Variants in ATP11C observed in about 807,000 individuals in gnomAD.
ATP11C encodes the protein phospholipid-transporting ATPase IG.
ATP11C carries 36 observed loss-of-function variants against 97.4 expected under a neutral mutation model. That is an observed-to-expected ratio of 0.37 (90% confidence interval 0.28 to 0.49). The LOEUF is 0.49. Ranked by LOEUF, ATP11C falls within the 20% of genes least tolerant of loss-of-function variation. The pLI, the probability that ATP11C is intolerant of heterozygous loss-of-function variation, is 0.98. For missense variants in ATP11C, 730 were observed against 824.6 expected (o/e 0.89, Z 1.40); for synonymous variants, 275 against 290.9 (o/e 0.95, Z 0.56).
rs2085449488 is a variant in ATP11C, at chrX:139,932,194, C to T, written c.-152G>A. 1 of 308,251 alleles carries T rather than the reference C, an allele frequency of 3.2e-6. No homozygotes were observed. Among genetic ancestry groups the T allele is most frequent in the African/African-American group, 3.0e-5 (1 of 33,651 alleles). The allele number at this position is 308,251 out of a possible 1,213,427, so 25.4% of individuals were successfully genotyped here. A position where few individuals can be genotyped will look rare whatever the true frequency, so the allele number is the denominator to read the frequency against. ...CCCGCTCGCCGCCTGCCCCCCTCGG[C>T]TCTCCGCGCTCCCCCGCCCCCCAGC... On this transcript the variant is annotated 5_prime_UTR_variant, in exon 1 of 30. Coordinates refer to ENST00000682941, the MANE Select transcript of ATP11C (RefSeq NM_001353812.2).
At chrX:139,905,346 TCTC>T (rs1426665287) in intron 1 of ATP11C, among the ~76,000 whole-genome samples, 1 of 112,315 alleles carries the variant, frequency 8.9e-6, no homozygotes, top group Non-Finnish European at 1.9e-5. Context: ...AGCTTTAATG[TCTC>T]CTTTCACATT....
intron 5 of ATP11C, among the ~76,000 whole-genome samples, chrX:139,814,132 G>A (rs2083234532): frequency 9.1e-6 from 1 of 110,321 alleles, no homozygotes; most frequent in South Asian, 3.8e-4. Flanking sequence ...AATCTAATGA[G>A]AACCAAAAAA....
intron 5 of ATP11C, among the ~76,000 whole-genome samples, chrX:139,812,650 TCCTCCCACCTCAG>T (rs1300501794): frequency 9.2e-6 from 1 of 108,505 alleles, no homozygotes; most frequent in Non-Finnish European, 1.9e-5. Context: ...GCTCAGGTGA[TCCTCCCACCTCAG>T]CCTCCCAAGT....
At chrX:139,802,205 CAG>C in intron 7 of ATP11C, 29 bp downstream of exon 7, 1 of 1,036,191 alleles carries the variant, frequency 9.7e-7, no homozygotes, top group Non-Finnish European at 1.4e-6. Context: ...AGCCAACAAA[CAG>C]AAGTAAAATG....
chrX:139,863,809 C>A (rs2084240976), intron 1 of ATP11C, among the ~76,000 whole-genome samples: 1 of 111,537 alleles, frequency 9.0e-6, no homozygotes. Flanking sequence ...CACCTATAAT[C>A]CCAGCACTGT....
intron 18 of ATP11C, among the ~76,000 whole-genome samples, chrX:139,782,117 G>A (rs939189438): frequency 9.1e-6 from 1 of 110,369 alleles, no homozygotes; most frequent in Non-Finnish European, 1.9e-5. Flanking sequence ...ACGAGGTCAG[G>A]AGATCGAAAC....
intron 1 of ATP11C, among the ~76,000 whole-genome samples, chrX:139,928,895 ATC>A (rs1438854591): frequency 9.8e-5 from 11 of 112,173 alleles, no homozygotes; most frequent in African/African-American, 2.9e-4. Context: ...TTATCAAGAA[ATC>A]TCTTATTTTG....
intron 1 of ATP11C, among the ~76,000 whole-genome samples, chrX:139,843,210 T>C (rs2083860598): frequency 1.8e-5 from 2 of 112,396 alleles, no homozygotes; most frequent in Non-Finnish European, 3.8e-5. Flanking sequence ...CTTATTCTCT[T>C]AGGATACAAC....
At chrX:139,760,772 T>C (rs1603349151) in intron 22 of ATP11C, among the ~76,000 whole-genome samples, 1 of 111,813 alleles carries the variant, frequency 8.9e-6, no homozygotes, top group Admixed American at 9.5e-5. Context: ...ATTTGCAATG[T>C]TGCACAATTA....
At chrX:139,909,839 CAGGA>C (rs1478286203) in intron 1 of ATP11C, 1 of 111,656 alleles carries the variant, frequency 9.0e-6, no homozygotes, top group Non-Finnish European at 1.9e-5. Context: ...CTGAAGAAAA[CAGGA>C]AGGAAGACGC....
chrX:139,851,027 AC>A (rs1256927330), intron 1 of ATP11C, among the ~76,000 whole-genome samples: 1 of 112,059 alleles, frequency 8.9e-6, no homozygotes, highest in Non-Finnish European at 1.9e-5. Context: ...TGGCCAAGCA[AC>A]CCTTTGCTAC....
intron 17 of ATP11C, among the ~76,000 whole-genome samples, 169 bp from the exon 18 acceptor site, chrX:139,782,897 T>C (rs1231966910): frequency 8.9e-6 from 1 of 111,913 alleles, no homozygotes; most frequent in Non-Finnish European, 1.9e-5. Flanking sequence ...TTCAATTAGG[T>C]TCAGAAAAAG....
chrX:139,878,867 C>A (rs908069191), intron 1 of ATP11C, among the ~76,000 whole-genome samples: 1 of 107,906 alleles, frequency 9.3e-6, no homozygotes, highest in African/African-American at 3.4e-5. Flanking sequence ...TAGCGTGGTA[C>A]GGACAGAGAC....
intron 4 of ATP11C, among the ~76,000 whole-genome samples, chrX:139,815,194 G>A (rs1338218407): frequency 8.9e-6 from 1 of 112,076 alleles, no homozygotes; most frequent in Non-Finnish European, 1.9e-5. Flanking sequence ...GCTTTGTTGT[G>A]TTAAAAGTTT....
chrX:139,837,861 T>C (rs1042527186), intron 1 of ATP11C, among the ~76,000 whole-genome samples: 7 of 112,001 alleles, frequency 6.2e-5, no homozygotes, highest in African/African-American at 2.3e-4. Flanking sequence ...TCCCAGTCAT[T>C]TACTATAAGC....
At chrX:139,864,643 C>T (rs5954897) in intron 1 of ATP11C, among the ~76,000 whole-genome samples, 6,503 of 111,606 alleles carry the variant, frequency 0.058, 443 homozygotes, top group African/African-American at 0.2. Flanking sequence ...AGTTGGCACT[C>T]CGTAAATGTT....
At position 139,744,448 on chromosome X, in the gene ATP11C, G is replaced by A. The variant is rs754443458; in HGVS notation, c.2965-824C>T. Among the ~76,000 whole-genome samples, 97 of 111,759 alleles carry A rather than the reference G, an allele frequency of 8.7e-4. 1 individual carries two copies. The highest frequency in any genetic ancestry group is 1.6e-3 in the Non-Finnish European group (84 of 53,086). On this transcript the variant is annotated intron_variant, in intron 25 of 29. Coordinates refer to ENST00000682941, the MANE Select transcript of ATP11C (RefSeq NM_001353812.2). ...AAAATGGGTAATGAATTAAACAGAC[G>A]CTGAATTGATGCTCTCATGCACCAC... is the stretch of plus-strand genomic sequence containing the variant.
At chrX:139,850,282 T>C (rs1372584363) in intron 1 of ATP11C, among the ~76,000 whole-genome samples, 1 of 111,075 alleles carries the variant, frequency 9.0e-6, no homozygotes, top group Non-Finnish European at 1.9e-5. Flanking sequence ...ATGGGGAAAG[T>C]CTGAGGCCTC....
At chrX:139,923,553 T>C (rs1478809074) in intron 1 of ATP11C, among the ~76,000 whole-genome samples, 1 of 112,254 alleles carries the variant, frequency 8.9e-6, no homozygotes, top group Non-Finnish European at 1.9e-5. Context: ...ACATGAATGT[T>C]TTCAGAAAAG....
Sources: allele counts gnomAD v4.1 joint callset (sites outside exome capture counted in the v4.1 genomes callset), GRCh38; gene constraint gnomAD v4.1.1; transcripts MANE v1.5; gene names NCBI Gene and HGNC (gene_info 2026-07-23, HGNC 2026-07-21).